FMNL2: variants seen among roughly 807,000 people sequenced by gnomAD.
The protein encoded by FMNL2 is formin-like protein 2.
In FMNL2, 51 loss-of-function variants were observed where a neutral mutation model predicts 130.2. The observed-to-expected ratio is 0.39, with a 90% CI of 0.31 to 0.49. FMNL2 has a LOEUF of 0.49. Among genes scored for constraint, FMNL2 ranks in the 20% least tolerant of loss-of-function variants. The pLI is 0.85. For synonymous variants in FMNL2, 465 were observed against 467.1 expected, an observed-to-expected ratio of 1.00 and a Z score of 0.06; for missense variants, 977 against 1,316.2, an observed-to-expected ratio of 0.74 and a Z score of 3.99.
At chr2:152,582,570 G>A (rs1407253861) in intron 9 of FMNL2, among the ~76,000 whole-genome samples, 1 of 152,060 alleles carries the variant, frequency 6.6e-6, no homozygotes, top group Non-Finnish European at 1.5e-5. Flanking sequence ...AAGAATAATA[G>A]TGAATCTTTA....
At chr2:152,414,044 T>C (rs767591110) in intron 1 of FMNL2, among the ~76,000 whole-genome samples, 3 of 152,236 alleles carry the variant, frequency 2.0e-5, no homozygotes, top group Non-Finnish European at 4.4e-5. Flanking sequence ...TGATTATTGA[T>C]GTACACGAGC....
intron 1 of FMNL2, among the ~76,000 whole-genome samples, chr2:152,405,115 T>G (rs1388600516): frequency 6.6e-6 from 1 of 152,166 alleles, no homozygotes; most frequent in Non-Finnish European, 1.5e-5. Context: ...TTGGTGGTCT[T>G]ACTAGTATTG....
chr2:152,521,885 A>G, intron 1 of FMNL2, 58 bp from the exon 2 acceptor site: 2 of 1,393,652 alleles, frequency 1.4e-6, no homozygotes, highest in South Asian at 1.2e-5. Flanking sequence ...GCAAGTTACC[A>G]ATTTGGAAGC....
chr2:152,464,129 A>G (rs1456143358), intron 1 of FMNL2, among the ~76,000 whole-genome samples: 4 of 152,116 alleles, frequency 2.6e-5, no homozygotes, highest in Non-Finnish European at 5.9e-5. Context: ...TTTTTAGTAG[A>G]GACAGGGTTT....
intron 1 of FMNL2, among the ~76,000 whole-genome samples, chr2:152,365,270 G>GT (rs1443823369): frequency 6.6e-6 from 1 of 152,182 alleles, no homozygotes; most frequent in Non-Finnish European, 1.5e-5. Context: ...TTGAGGAGAG[G>GT]TGGGGAGCAG....
chr2:152,390,790 G>T (rs557836482), intron 1 of FMNL2, among the ~76,000 whole-genome samples: 2 of 152,322 alleles, frequency 1.3e-5, no homozygotes, highest in South Asian at 4.1e-4. Flanking sequence ...AAAGGCTGGG[G>T]CTTGGGGTCT....
At chr2:152,454,231 C>G (rs1341065795) in intron 1 of FMNL2, among the ~76,000 whole-genome samples, 4 of 152,124 alleles carry the variant, frequency 2.6e-5, no homozygotes, top group Non-Finnish European at 4.4e-5. Context: ...GAGCCAATAG[C>G]ATACCACTGC....
Position 152,435,289 on chromosome 2 carries a change from G to A in FMNL2, c.118-86654G>A, listed in dbSNP as rs539861618. 4.6e-5 allele frequency among the ~76,000 whole-genome samples: 7 copies of A among 152,262 alleles called. No homozygotes were observed. The East Asian group carries it at 1.2e-3, about 25-fold the overall frequency. On this transcript the variant is annotated intron_variant, in intron 1 of 25. Transcript: ENST00000288670. Reference sequence around the variant, plus strand: ...TTGAGGCCAGGAGTTTGAGACCTGAGTGGGCAACATAGCAAAACTCTGTCT... The same window carrying A: ...TTGAGGCCAGGAGTTTGAGACCTGAATGGGCAACATAGCAAAACTCTGTCT...
At chr2:152,645,080 C>T (rs185381590) in intron 25 of FMNL2, among the ~76,000 whole-genome samples, 2 of 152,332 alleles carry the variant, frequency 1.3e-5, no homozygotes, top group East Asian at 3.9e-4. Flanking sequence ...TATCAAAGGA[C>T]ATAGAGTGTC....
intron 1 of FMNL2, among the ~76,000 whole-genome samples, chr2:152,402,365 T>A (rs531666526): frequency 3.9e-5 from 6 of 152,106 alleles, no homozygotes; most frequent in African/African-American, 2.4e-5. Flanking sequence ...TTCCCTGCTG[T>A]TTTTGGGGAG....
intron 1 of FMNL2, among the ~76,000 whole-genome samples, chr2:152,355,817 T>C (rs1179895113): frequency 6.6e-6 from 1 of 152,258 alleles, no homozygotes; most frequent in Non-Finnish European, 1.5e-5. Context: ...ATTTCACTAC[T>C]GAGTGGTAGT....
At position 152,617,372 on chromosome 2, in the gene FMNL2, CAT is replaced by C. The variant is rs371086080; in HGVS notation, c.1314+181_1314+182del. On this transcript the variant is annotated intron_variant, in intron 13 of 25. Coordinates refer to ENST00000288670, the MANE Select transcript of FMNL2 (RefSeq NM_052905.4). ...ACACATAGTCGGCGTTATGTATACA[CAT>C]GTGTGTGCAATCAGATACTGGGGGT... 3.9e-4 allele frequency among the ~76,000 whole-genome samples: 59 copies of C among 152,366 alleles called. No homozygotes were observed. The East Asian group carries it at 8.9e-3, about 23-fold the overall frequency.
intron 9 of FMNL2, 81 bp from the exon 10 acceptor site, chr2:152,607,255 CATT>C (rs1203556265): frequency 1.8e-6 from 2 of 1,098,650 alleles, no homozygotes; most frequent in Non-Finnish European, 2.7e-6. Flanking sequence ...TTCTGGAAAT[CATT>C]ATTAAGCTGA....
intron 1 of FMNL2, among the ~76,000 whole-genome samples, chr2:152,488,431 A>G (rs917589181): frequency 1.3e-5 from 2 of 152,260 alleles, no homozygotes; most frequent in African/African-American, 2.4e-5. Flanking sequence ...TACTTGCACA[A>G]TCAAAAGTTC....
Position 152,440,379 on chromosome 2 carries a change from A to C in FMNL2, c.118-81564A>C, listed in dbSNP as rs544692054. ...TGCTGTGACTTTATGCTTGCAAAAAACCAAAATCTCACAGTTGTCAGTACA... is the reference window on the plus strand; with the variant it reads ...TGCTGTGACTTTATGCTTGCAAAAACCCAAAATCTCACAGTTGTCAGTACA... On this transcript the variant is annotated intron_variant, in intron 1 of 25. Transcript: ENST00000288670. 1.8e-4 allele frequency among the ~76,000 whole-genome samples: 27 copies of C among 152,328 alleles called. 1 individual carries two copies. The South Asian group carries it at 3.5e-3, about 20-fold the overall frequency.
chr2:152,590,932 G>A (rs1460397955), intron 9 of FMNL2, among the ~76,000 whole-genome samples: 3 of 143,910 alleles, frequency 2.1e-5, no homozygotes, highest in Admixed American at 7.2e-5. Context: ...AATCCCTCAC[G>A]TGGCTAGACT....
At chr2:152,461,426 A>G (rs1456274332) in intron 1 of FMNL2, among the ~76,000 whole-genome samples, 1 of 152,140 alleles carries the variant, frequency 6.6e-6, no homozygotes, top group African/African-American at 2.4e-5. Context: ...TCTCAATTTG[A>G]TGTTGAATTT....
chr2:152,393,471 C>T (rs1685228093), intron 1 of FMNL2, among the ~76,000 whole-genome samples: 1 of 152,098 alleles, frequency 6.6e-6, no homozygotes, highest in Non-Finnish European at 1.5e-5. Context: ...TTTCTTTTTG[C>T]CGCATTGCAT....
At chr2:152,372,432 T>C (rs1028786354) in intron 1 of FMNL2, among the ~76,000 whole-genome samples, 3 of 152,220 alleles carry the variant, frequency 2.0e-5, no homozygotes, top group South Asian at 4.1e-4. Flanking sequence ...CTTTATATGG[T>C]TCATGGGAGG....
Sources: allele counts gnomAD v4.1 joint callset (sites outside exome capture counted in the v4.1 genomes callset), GRCh38; gene constraint gnomAD v4.1.1; transcripts MANE v1.5; gene names NCBI Gene and HGNC (gene_info 2026-07-23, HGNC 2026-07-21).